Variants in SLCO3A1 observed in about 807,000 individuals in gnomAD.
The protein encoded by SLCO3A1 is PGE1 transporter.
SLCO3A1 carries 27 observed loss-of-function variants against 63.1 expected under a neutral mutation model. The observed-to-expected ratio is 0.43, with a 90% CI of 0.32 to 0.59. SLCO3A1 has a LOEUF of 0.59. SLCO3A1 is among the 20% of genes least tolerant of loss of function. The pLI is 0.09. For missense variants in SLCO3A1, 773 were observed against 945.8 expected (o/e 0.82, Z 2.40); for synonymous variants, 473 against 409.9 (o/e 1.15, Z -1.86).
At chr15:92,142,719 C>T (rs1484585207) in intron 7 of SLCO3A1, among the ~76,000 whole-genome samples, 2 of 152,118 alleles carry the variant, frequency 1.3e-5, no homozygotes, top group Admixed American at 6.5e-5. Flanking sequence ...TTAGCTCACC[C>T]GGATGGGGCT....
intron 2 of SLCO3A1, among the ~76,000 whole-genome samples, chr15:92,001,176 A>G (rs1421417013): frequency 7.2e-6 from 1 of 139,130 alleles, no homozygotes; most frequent in Non-Finnish European, 1.5e-5. Flanking sequence ...ATAAGCAGTT[A>G]AGAACCAGGA....
chr15:92,066,589 T>A (rs2047155137), intron 2 of SLCO3A1, among the ~76,000 whole-genome samples: 1 of 152,198 alleles, frequency 6.6e-6, no homozygotes, highest in Non-Finnish European at 1.5e-5. Flanking sequence ...ATTTACTCTG[T>A]TTGTGTGGAT....
At chr15:92,124,727 A>T (rs1005135578) in intron 5 of SLCO3A1, among the ~76,000 whole-genome samples, 4 of 152,190 alleles carry the variant, frequency 2.6e-5, no homozygotes, top group African/African-American at 9.6e-5. Context: ...TGAAAACAGT[A>T]TGGAATCTCA....
intron 2 of SLCO3A1, among the ~76,000 whole-genome samples, chr15:92,045,537 G>C (rs570487554): frequency 2.0e-5 from 3 of 151,970 alleles, no homozygotes; most frequent in Non-Finnish European, 4.4e-5. Flanking sequence ...CCACTAATTT[G>C]TCTTAAAATA....
At chr15:91,874,702 C>T (rs1432850378) in intron 1 of SLCO3A1, among the ~76,000 whole-genome samples, 2 of 152,346 alleles carry the variant, frequency 1.3e-5, no homozygotes, top group Admixed American at 6.5e-5. Context: ...CTCCGATCAT[C>T]GCTGTAGAGC....
intron 2 of SLCO3A1, among the ~76,000 whole-genome samples, chr15:91,931,803 A>G (rs1034970973): frequency 4.0e-4 from 61 of 151,098 alleles, no homozygotes; most frequent in African/African-American, 1.4e-3. Context: ...ACACACACGC[A>G]CACACACACA....
At chr15:91,868,144 T>A (rs59600319) in intron 1 of SLCO3A1, among the ~76,000 whole-genome samples, 55,281 of 151,516 alleles carry the variant, frequency 0.36, 11,127 homozygotes, top group East Asian at 0.73. Flanking sequence ...CTCTGCCTCC[T>A]GGGTTCAAGT....
At chr15:92,148,791 G>A (rs1021879575) in intron 8 of SLCO3A1, 3 of 152,140 alleles carry the variant, frequency 2.0e-5, no homozygotes, top group Non-Finnish European at 4.4e-5. Context: ...AACTATAATA[G>A]CAGAAAAACC....
intron 2 of SLCO3A1, among the ~76,000 whole-genome samples, chr15:91,962,285 A>C (rs1024641987): frequency 2.0e-5 from 3 of 151,916 alleles, no homozygotes; most frequent in African/African-American, 7.3e-5. Flanking sequence ...TTCGAGACCA[A>C]CCTGACCAAC....
chr15:92,112,912 T>C (rs2047746805), intron 4 of SLCO3A1, among the ~76,000 whole-genome samples: 1 of 152,202 alleles, frequency 6.6e-6, no homozygotes, highest in African/African-American at 2.4e-5. Context: ...TTCCAGGCTT[T>C]CCAGGGTGAA....
chr15:92,146,163 C>G (rs113319690), intron 7 of SLCO3A1, among the ~76,000 whole-genome samples: 1,645 of 152,276 alleles, frequency 0.011, 32 homozygotes, highest in African/African-American at 0.037. Context: ...TATTATGGAA[C>G]CTTAATTGGC....
intron 8 of SLCO3A1, chr15:92,148,897 A>C (rs150390268): frequency 6.6e-6 from 1 of 152,246 alleles, no homozygotes; most frequent in African/African-American, 2.4e-5. Flanking sequence ...GAACTATTGA[A>C]TTTAAAACTA....
At position 92,163,657 on chromosome 15, in the gene SLCO3A1, C is replaced by G. The variant is rs1445163223; in HGVS notation, c.*522C>G. 2.0e-6 allele frequency: 2 copies of G among 985,120 alleles called. No homozygotes were observed. The highest frequency in any genetic ancestry group is 1.2e-4 in the Admixed American group (2 of 16,244). The allele number at this position is 985,120 out of a possible 1,614,324, so 61.0% of individuals were successfully genotyped here. A position where few individuals can be genotyped will look rare whatever the true frequency, so the allele number is the denominator to read the frequency against. ...CCAGGTGGGGGTGGGGGCGGGCGCA[C>G]AAGTCGGAGGGGTGGAAGCACCACT... On this transcript the variant is annotated 3_prime_UTR_variant, in exon 10 of 10. Coordinates refer to ENST00000318445, the MANE Select transcript of SLCO3A1 (RefSeq NM_013272.4).
Position 91,853,752 on chromosome 15 carries a change from C to T in SLCO3A1, c.-157C>T, listed in dbSNP as rs998445553. Reference sequence around the variant, plus strand: ...CGGCGGCGAGGAGCTGTGCCTTCCACCTCTCCAGCCCCGGCAGGACGGGGG... The same window carrying T: ...CGGCGGCGAGGAGCTGTGCCTTCCATCTCTCCAGCCCCGGCAGGACGGGGG... On this transcript the variant is annotated 5_prime_UTR_variant, in exon 1 of 10. Transcript: ENST00000318445. 2.4e-5 allele frequency: 17 copies of T among 706,458 alleles called. No individual in the cohort carries two copies. The highest frequency in any genetic ancestry group is 2.8e-5 in the Non-Finnish European group (16 of 563,316). The allele number at this position is 706,458 out of a possible 1,614,324, so 43.8% of individuals were successfully genotyped here. A position where few individuals can be genotyped will look rare whatever the true frequency, so the allele number is the denominator to read the frequency against.
At chr15:91,906,374 G>C (rs981945067) in intron 1 of SLCO3A1, among the ~76,000 whole-genome samples, 8 of 152,136 alleles carry the variant, frequency 5.3e-5, no homozygotes, top group Non-Finnish European at 1.0e-4. Flanking sequence ...CATAGTTGTT[G>C]TCTCCATGAT....
At chr15:91,919,196 A>G (rs1025193372) in intron 2 of SLCO3A1, among the ~76,000 whole-genome samples, 4 of 152,192 alleles carry the variant, frequency 2.6e-5, no homozygotes, top group Non-Finnish European at 2.9e-5. Context: ...ACCCAGGGCA[A>G]AGTGAAGCAT....
At chr15:91,901,637 GGTTT>G (rs1427910443) in intron 1 of SLCO3A1, among the ~76,000 whole-genome samples, 1 of 151,900 alleles carries the variant, frequency 6.6e-6, no homozygotes, top group Non-Finnish European at 1.5e-5. Context: ...CTTGGTTGAC[GGTTT>G]GTTTTCTTTC....
intron 2 of SLCO3A1, among the ~76,000 whole-genome samples, chr15:92,004,635 A>G (rs2046293540): frequency 6.6e-6 from 1 of 152,160 alleles, no homozygotes; most frequent in Admixed American, 6.5e-5. Context: ...TATCAACAAA[A>G]TCTCCAAAGT....
chr15:92,043,444 G>A (rs2046822821), intron 2 of SLCO3A1, among the ~76,000 whole-genome samples: 1 of 152,220 alleles, frequency 6.6e-6, no homozygotes, highest in South Asian at 2.1e-4. Flanking sequence ...TGTCAGGACT[G>A]CCAGCCTCTC....
Sources: gnomAD v4.1 joint callset for allele counts (sites outside exome capture counted in the v4.1 genomes callset) on GRCh38, gnomAD v4.1.1 for gene constraint, MANE v1.5 for transcripts, NCBI Gene and HGNC (gene_info 2026-07-23, HGNC 2026-07-21) for gene names.